Variants in CDH9 observed in about 807,000 individuals in gnomAD.
The protein encoded by CDH9 is cadherin 9, also known as cadherin-9.
In CDH9, 28 loss-of-function variants were observed where a neutral mutation model predicts 70.9. That is an observed-to-expected ratio of 0.40 (90% CI 0.29 to 0.54). The LOEUF is 0.54. Ranked by LOEUF, CDH9 falls within the 20% of genes least tolerant of loss-of-function variation. CDH9 has a pLI of 0.59. For synonymous variants in CDH9, 409 were observed against 343.1 expected, an observed-to-expected ratio of 1.19 and a Z score of -2.12; for missense variants, 874 against 984.4, an observed-to-expected ratio of 0.89 and a Z score of 1.50.
chr5:26,931,743 GTGTGTGTGTCTGTA>G (rs1244225335), intron 2 of CDH9, among the ~76,000 whole-genome samples: 1 of 152,162 alleles, frequency 6.6e-6, no homozygotes, highest in Non-Finnish European at 1.5e-5. Flanking sequence ...TACGAAGTGT[GTGTGTGTGTCTGTA>G]TGTGTGTGTG....
chr5:27,019,291 T>C (rs903810182), intron 1 of CDH9, among the ~76,000 whole-genome samples: 1 of 152,064 alleles, frequency 6.6e-6, no homozygotes, highest in Non-Finnish European at 1.5e-5. Context: ...AAAGTTGATG[T>C]CATAGGTTAG....
rs183557876 is a variant in CDH9 at position 26,963,852 on chromosome 5, G to A, written c.228+24254C>T. Among the ~76,000 whole-genome samples, 1,028 of 152,170 alleles carry A rather than the reference G, an allele frequency of 6.8e-3. 9 individuals carry two copies. Among genetic ancestry groups the A allele is most frequent in the African/African-American group, 0.024 (979 of 41,524 alleles). On this transcript the variant is annotated intron_variant, in intron 2 of 11. Coordinates refer to ENST00000231021, the MANE Select transcript of CDH9 (RefSeq NM_016279.4). ...GGGAAAATGTATCTTTAATTGGAAT[G>A]TATAGGTTAATAGAAAGAAATAACA...
At chr5:26,941,005 A>G (rs1408319300) in intron 2 of CDH9, among the ~76,000 whole-genome samples, 2 of 152,250 alleles carry the variant, frequency 1.3e-5, no homozygotes, top group East Asian at 3.8e-4. Flanking sequence ...CTTAGCACAG[A>G]GTAGGGGTTT....
chr5:26,915,257 C>A (rs1378871484), intron 3 of CDH9, among the ~76,000 whole-genome samples: 1 of 151,984 alleles, frequency 6.6e-6, no homozygotes, highest in African/African-American at 2.4e-5. Context: ...TTGCCAAATG[C>A]AAGCATTGTT....
At chr5:26,969,117 T>G (rs1742175814) in intron 2 of CDH9, among the ~76,000 whole-genome samples, 3 of 152,216 alleles carry the variant, frequency 2.0e-5, no homozygotes, top group Admixed American at 2.0e-4. Context: ...AATTTTTCAT[T>G]CTTTTCAAAC....
At chr5:27,017,745 A>G (rs1358326216) in intron 1 of CDH9, among the ~76,000 whole-genome samples, 1 of 152,076 alleles carries the variant, frequency 6.6e-6, no homozygotes, top group Non-Finnish European at 1.5e-5. Context: ...AGTTGCCATT[A>G]AAAAGCATTT....
At chr5:26,907,147 A>C (rs910002771) in intron 3 of CDH9, among the ~76,000 whole-genome samples, 32 of 152,138 alleles carry the variant, frequency 2.1e-4, no homozygotes, top group African/African-American at 7.0e-4. Context: ...AAACATTCTT[A>C]AAATGAATAT....
At chr5:26,991,851 C>A (rs1376062477) in intron 1 of CDH9, among the ~76,000 whole-genome samples, 1 of 152,038 alleles carries the variant, frequency 6.6e-6, no homozygotes, top group Admixed American at 6.6e-5. Flanking sequence ...AGAATCCATT[C>A]TTTTCTTATT....
intron 2 of CDH9, among the ~76,000 whole-genome samples, chr5:26,948,294 A>G (rs555782443): frequency 1.3e-5 from 2 of 152,238 alleles, no homozygotes; most frequent in African/African-American, 4.8e-5. Flanking sequence ...GGTTCCTAAA[A>G]GAAAACAATA....
In CDH9 at chr5:26,908,652, C is replaced by T. The variant is rs1020859981; in HGVS notation, c.524-1814G>A. On this transcript the variant is annotated intron_variant, in intron 3 of 11. Coordinates refer to ENST00000231021, the MANE Select transcript of CDH9 (RefSeq NM_016279.4). ...AATTTCGATTATTAGCTCTATTAGT[C>T]GGTAGATGATCTTTGAAGTTACGCA... is the stretch of plus-strand genomic sequence containing the variant. Among the ~76,000 whole-genome samples, 30 of 152,020 alleles carry T rather than the reference C, an allele frequency of 2.0e-4. No homozygotes were observed. In the East Asian group the frequency reaches 2.9e-3, roughly 15 times the overall value.
chr5:26,886,714 TAAA>T (rs1740572672), intron 9 of CDH9, among the ~76,000 whole-genome samples: 1 of 152,188 alleles, frequency 6.6e-6, no homozygotes, highest in Admixed American at 6.6e-5. Flanking sequence ...TAAGATTTTG[TAAA>T]ATCAATGTTG....
rs568654174 is a variant in CDH9 at position 26,928,132 on chromosome 5, A to G, written c.229-12208T>C. ...CACCAAAAAACTGTTAGAACTAATA[A>G]AACCAATTCAGTAAAATTGCAGGAT... On this transcript the variant is annotated intron_variant, in intron 2 of 11. Transcript: ENST00000231021. Among the ~76,000 whole-genome samples the G allele has an allele frequency of 3.9e-5, 6 of 152,232 alleles. No individual in the cohort carries two copies. In the East Asian group the frequency reaches 1.2e-3, roughly 29 times the overall value.
intron 2 of CDH9, among the ~76,000 whole-genome samples, chr5:26,980,003 C>T (rs1742371430): frequency 6.6e-6 from 1 of 151,730 alleles, no homozygotes; most frequent in Non-Finnish European, 1.5e-5. Flanking sequence ...AATTGAACAC[C>T]ATTGTTAAAT....
chr5:27,019,161 G>A (rs1743094709), intron 1 of CDH9, among the ~76,000 whole-genome samples: 2 of 151,868 alleles, frequency 1.3e-5, no homozygotes, highest in Admixed American at 1.3e-4. Flanking sequence ...TTCATGGAAG[G>A]TTGAACTAGA....
At chr5:26,887,692 T>A (rs1359184853) in intron 9 of CDH9, among the ~76,000 whole-genome samples, 1 of 152,128 alleles carries the variant, frequency 6.6e-6, no homozygotes, top group Non-Finnish European at 1.5e-5. Context: ...CGTTTGCAGA[T>A]AAAATCAAGT....
At chr5:26,937,568 A>T (rs1741581994) in intron 2 of CDH9, among the ~76,000 whole-genome samples, 2 of 152,168 alleles carry the variant, frequency 1.3e-5, no homozygotes, top group African/African-American at 4.8e-5. Flanking sequence ...CATAACTGGA[A>T]TCAAACAAGA....
In CDH9 at chr5:26,903,713, G is replaced by A; in HGVS notation, c.923C>T (p.Ala308Val). The A allele has an allele frequency of 2.5e-6, 4 of 1,606,754 alleles. No individual in the cohort carries two copies. Among genetic ancestry groups the A allele is most frequent in the East Asian group, 2.2e-5 (1 of 44,812 alleles). ...GAACATGTCTGCACCATCTCCTTCA[G>A]CAATGCTATACTCCATTTCTGCATT... ...GENAEMEYSI[A>V]EGDGADMFDV... Residue 308 changes from alanine to valine, a missense_variant, in exon 6 of 12, where the codon GCT becomes GTT. Physicochemically the swap from Ala to Val is moderately conservative, Grantham distance 64. Coordinates refer to ENST00000231021, the MANE Select transcript of CDH9 (RefSeq NM_016279.4).
chr5:26,914,904 G>A (rs942360774), intron 3 of CDH9, among the ~76,000 whole-genome samples: 4 of 151,978 alleles, frequency 2.6e-5, no homozygotes, highest in South Asian at 2.1e-4. Flanking sequence ...TCATTGTCTC[G>A]TTAACAAACC....
At chr5:26,887,311 A>G (rs13165540) in intron 9 of CDH9, among the ~76,000 whole-genome samples, 49,497 of 151,474 alleles carry the variant, frequency 0.33, 8,603 homozygotes, top group Middle Eastern at 0.5. Flanking sequence ...AATTTAAATC[A>G]TAAAAAGTTG....
Sources: gnomAD v4.1 joint callset for allele counts (sites outside exome capture counted in the v4.1 genomes callset) on GRCh38, gnomAD v4.1.1 for gene constraint, MANE v1.5 for transcripts, NCBI Gene and HGNC (gene_info 2026-07-23, HGNC 2026-07-21) for gene names.